The following LATS2 variants were observed in gnomAD, a reference collection of about 807,000 sequenced individuals.
The protein encoded by LATS2 is large tumor suppressor kinase 2.
A neutral mutation model predicts 76.0 loss-of-function variants in LATS2; 24 were observed. The ratio of observed to expected loss-of-function variants is 0.32; its 90% confidence interval spans 0.23 to 0.44. LATS2 has a LOEUF of 0.44. Among genes scored for constraint, LATS2 ranks in the 20% least tolerant of loss-of-function variants. LATS2 has a pLI of 1.00. For synonymous variants in LATS2, 692 were observed against 635.4 expected, an observed-to-expected ratio of 1.09 and a Z score of -1.34; for missense variants, 1,286 against 1,481.2, an observed-to-expected ratio of 0.87 and a Z score of 2.16.
intron 2 of LATS2, among the ~76,000 whole-genome samples, chr13:21,013,497 G>T (rs1871679576): frequency 6.6e-6 from 1 of 152,196 alleles, no homozygotes; most frequent in Non-Finnish European, 1.5e-5. Flanking sequence ...CAATGGTAGG[G>T]TTACTTGGAA....
chr13:21,040,792 G>C (rs1375548148), intron 2 of LATS2, among the ~76,000 whole-genome samples: 2 of 151,924 alleles, frequency 1.3e-5, no homozygotes, highest in African/African-American at 4.8e-5. Context: ...GAGGAGGGGA[G>C]AGGGACCCTG....
intron 2 of LATS2, among the ~76,000 whole-genome samples, chr13:21,018,329 G>A (rs1330686165): frequency 1.3e-5 from 2 of 152,216 alleles, no homozygotes; most frequent in East Asian, 1.9e-4. Context: ...GGTGTTGGGC[G>A]AGGTATGTGG....
chr13:20,990,633 C>T (rs1422447558), intron 3 of LATS2, among the ~76,000 whole-genome samples: 1 of 152,096 alleles, frequency 6.6e-6, no homozygotes, highest in South Asian at 2.1e-4. Flanking sequence ...GGGTTACAGG[C>T]TTGAGCCACT....
intron 1 of LATS2, among the ~76,000 whole-genome samples, chr13:21,057,636 A>T (rs4536322): frequency 0.62 from 82,202 of 132,324 alleles, 25,833 homozygotes; most frequent in Non-Finnish European, 0.76. Context: ...TACTAAAAGT[A>T]AAAAAAAAAA....
chr13:20,983,054 C>T (rs1011902553), intron 5 of LATS2, among the ~76,000 whole-genome samples, 170 bp downstream of exon 5: 1 of 145,736 alleles, frequency 6.9e-6, no homozygotes, highest in African/African-American at 2.5e-5. Flanking sequence ...ATGCATATCA[C>T]ACTATTCCTT....
At position 20,974,414 on chromosome 13, in the gene LATS2, G is replaced by A. The variant is rs1164499179; in HGVS notation, c.*456C>T. On this transcript the variant is annotated 3_prime_UTR_variant, in exon 8 of 8. Coordinates refer to ENST00000382592, the MANE Select transcript of LATS2 (RefSeq NM_014572.3). ...AAAATGGTCTCCGTGACATTGAGCA[G>A]AGTGTTATCTTTTTTTTTTTTTACA... The A allele has an allele frequency of 1.3e-5, 3 of 224,536 alleles. No individual in the cohort carries two copies. The highest frequency in any genetic ancestry group is 7.0e-5 in the African/African-American group (3 of 43,130). The allele number at this position is 224,536 out of a possible 1,614,324, so 13.9% of individuals were successfully genotyped here. A position where few individuals can be genotyped will look rare whatever the true frequency, so the allele number is the denominator to read the frequency against.
chr13:21,026,234 C>T (rs949500635), intron 2 of LATS2, among the ~76,000 whole-genome samples: 1 of 152,196 alleles, frequency 6.6e-6, no homozygotes, highest in African/African-American at 2.4e-5. Context: ...ATATTTCCAT[C>T]AATCCCCAAA....
At chr13:21,051,361 C>T (rs1393823463) in intron 1 of LATS2, among the ~76,000 whole-genome samples, 2 of 152,192 alleles carry the variant, frequency 1.3e-5, no homozygotes, top group East Asian at 1.9e-4. Flanking sequence ...TATTTAAATA[C>T]ACTATAGGGT....
intron 4 of LATS2, among the ~76,000 whole-genome samples, chr13:20,984,229 C>T (rs970107171): frequency 5.9e-5 from 9 of 152,096 alleles, no homozygotes; most frequent in Admixed American, 2.6e-4. Flanking sequence ...CCACTGTGCC[C>T]GGCCAGTTTT....
chr13:20,986,157 T>C (rs1870132421), intron 4 of LATS2, among the ~76,000 whole-genome samples: 1 of 152,016 alleles, frequency 6.6e-6, no homozygotes, highest in Non-Finnish European at 1.5e-5. Context: ...GAAATGCAAA[T>C]GAAAACCACA....
In LATS2 at chr13:20,988,479, G is replaced by T; in HGVS notation, c.1301C>A (p.Ala434Asp). 6.5e-7 allele frequency: 1 copy of T among 1,542,916 alleles called. No homozygotes were observed. Among genetic ancestry groups the T allele is most frequent in the Non-Finnish European group, 8.7e-7 (1 of 1,151,614 alleles). ...PSLPAPNTVT[A>D]VTAAHILHPV... ...GTGCAAGATGTGCGCGGCCGTGACA[G>T]CCGTCACGGTGTTGGGGGCGGGCAG... The change falls in exon 4 of 8, where the codon GCT becomes GAT. Residue 434 changes from alanine (A) to aspartate (D), a missense_variant. Ala to Asp is a moderately radical substitution (Grantham distance 126). Around this residue, in one of 5 missense-constraint regions of LATS2, gnomAD observed 710 missense variants for 660.9 expected, o/e 1.07. Coordinates refer to ENST00000382592, the MANE Select transcript of LATS2 (RefSeq NM_014572.3).
At chr13:21,039,819 T>G (rs1872804479) in intron 2 of LATS2, among the ~76,000 whole-genome samples, 2 of 152,154 alleles carry the variant, frequency 1.3e-5, no homozygotes, top group African/African-American at 4.8e-5. Flanking sequence ...ACACCTGTAA[T>G]CCCAGCACTT....
chr13:20,980,497 C>T (rs1235830755), intron 6 of LATS2, among the ~76,000 whole-genome samples: 3 of 152,204 alleles, frequency 2.0e-5, no homozygotes, highest in African/African-American at 7.2e-5. Context: ...GGTCAGTCTG[C>T]GGGTGCCTGC....
intron 1 of LATS2, among the ~76,000 whole-genome samples, chr13:21,055,223 T>C (rs1045667573): frequency 2.6e-5 from 4 of 152,232 alleles, no homozygotes; most frequent in Non-Finnish European, 5.9e-5. Flanking sequence ...GACATATTAC[T>C]ATACCATTTT....
At chr13:20,993,357 T>C (rs1013809726) in intron 2 of LATS2, among the ~76,000 whole-genome samples, 2 of 152,220 alleles carry the variant, frequency 1.3e-5, no homozygotes, top group East Asian at 3.8e-4. Context: ...TTATTGTCCA[T>C]ATATGATGGT....
At chr13:20,979,903 C>T (rs2138267597) in intron 6 of LATS2, 106 bp from the exon 7 acceptor site, 5 of 657,134 alleles carry the variant, frequency 7.6e-6, no homozygotes, top group South Asian at 3.9e-5. Flanking sequence ...TGGGAAAGCG[C>T]GTTGAAGCAT....
Position 21,045,923 on chromosome 13 carries a change from T to A in LATS2, c.104A>T (p.Gln35Leu). 1.2e-6 allele frequency: 2 copies of A among 1,614,200 alleles called. No individual in the cohort carries two copies. Among genetic ancestry groups the A allele is most frequent in the Non-Finnish European group, 1.7e-6 (2 of 1,180,028 alleles). The change falls in exon 2 of 8, where the codon CAG becomes CTG. Residue 35 changes from glutamine (Q) to leucine (L), a missense_variant. Coordinates refer to ENST00000382592, the MANE Select transcript of LATS2 (RefSeq NM_014572.3). ...ACTGTTTGGTCCTGCGGGTAGCCCC[T>A]GAACCGAAGACTTGGATGGCTGTTT... is the stretch of plus-strand genomic sequence containing the variant. The part of the protein sequence containing the change: ...GLKQPSKSSV[Q>L]GLPAGPNSDT...
intron 2 of LATS2, among the ~76,000 whole-genome samples, chr13:21,039,180 C>T (rs1398142964): frequency 2.0e-5 from 3 of 152,074 alleles, no homozygotes; most frequent in Non-Finnish European, 4.4e-5. Flanking sequence ...ACTGCTACAC[C>T]CAAAAGCCAT....
intron 2 of LATS2, among the ~76,000 whole-genome samples, chr13:21,031,473 C>T (rs980811775): frequency 6.6e-6 from 1 of 152,120 alleles, no homozygotes; most frequent in African/African-American, 2.4e-5. Context: ...TATGTTGAGA[C>T]CATGTAGCCA....
Sources: allele counts gnomAD v4.1 joint callset (sites outside exome capture counted in the v4.1 genomes callset), GRCh38; gene constraint gnomAD v4.1.1; regional missense constraint gnomAD v4.1.1; transcripts MANE v1.5; gene names NCBI Gene and HGNC (gene_info 2026-07-23, HGNC 2026-07-21).